Variants in OTOGL observed in about 807,000 individuals in gnomAD.
OTOGL encodes the protein otogelin-like protein.
A neutral mutation model predicts 318.5 loss-of-function variants in OTOGL; 285 were observed. The observed-to-expected ratio is 0.89, with a 90% CI of 0.81 to 0.99. OTOGL has a LOEUF of 0.99. OTOGL is among the 50% of genes least tolerant of loss of function. The probability of loss-of-function intolerance (pLI) is 0.00; values close to 1 mark genes in which losing one functional copy is unlikely to be tolerated. For missense variants in OTOGL, 2,899 were observed against 2,845.6 expected (o/e 1.02, Z -0.43); for synonymous variants, 987 against 936.5 (o/e 1.05, Z -0.99).
intron 24 of OTOGL, among the ~76,000 whole-genome samples, chr12:80,277,878 A>T (rs1232031556): frequency 6.6e-6 from 1 of 151,464 alleles, no homozygotes; most frequent in Non-Finnish European, 1.5e-5. Context: ...GGGATGACTC[A>T]CTTTATTAGA....
chr12:80,249,196 C>A (rs969515745), intron 11 of OTOGL, among the ~76,000 whole-genome samples: 2 of 148,176 alleles, frequency 1.3e-5, no homozygotes, highest in African/African-American at 5.2e-5. Flanking sequence ...AGCTTTGTTC[C>A]GTTGCTGGTG....
At chr12:80,288,687 G>A (rs1017431800) in intron 26 of OTOGL, among the ~76,000 whole-genome samples, 1 of 151,522 alleles carries the variant, frequency 6.6e-6, no homozygotes, top group African/African-American at 2.4e-5. Flanking sequence ...GATTCATTTG[G>A]CTATTGATCC....
chr12:80,278,995 T>C lies in OTOGL; in HGVS notation c.2790-33T>C, dbSNP rs1162842860. ...TGAAATCACTAGTTAGAGTCGTTTC[T>C]TTAGAAAGGTAACTTTTGTTATTTT... On this transcript the variant is annotated intron_variant, in intron 25 of 58. Transcript: ENST00000547103. 2.0e-6 allele frequency: 3 copies of C among 1,510,234 alleles called. No individual in the cohort carries two copies. In the South Asian group the frequency reaches 3.4e-5, roughly 17 times the overall value. The allele number at this position is 1,510,234 out of a possible 1,614,324, so 93.6% of individuals were successfully genotyped here.
At chr12:80,108,705 T>A (rs963568074) in intron 1 of OTOGL, among the ~76,000 whole-genome samples, 1 of 148,762 alleles carries the variant, frequency 6.7e-6, no homozygotes, top group Admixed American at 6.8e-5. Flanking sequence ...AAAGACGTTC[T>A]CCCCCACCTC....
intron 1 of OTOGL, among the ~76,000 whole-genome samples, chr12:80,129,553 T>C (rs1289674871): frequency 6.6e-6 from 1 of 152,232 alleles, no homozygotes; most frequent in East Asian, 1.9e-4. Context: ...GTTTACTTTT[T>C]GTTTTGTAAT....
intron 26 of OTOGL, among the ~76,000 whole-genome samples, chr12:80,282,989 C>T (rs1383640387): frequency 6.6e-6 from 1 of 151,970 alleles, no homozygotes; most frequent in Non-Finnish European, 1.5e-5. Flanking sequence ...GAGCACCATG[C>T]TGGGAACATA....
intron 27 of OTOGL, among the ~76,000 whole-genome samples, chr12:80,301,796 G>A (rs529843724): frequency 1.6e-4 from 25 of 152,114 alleles, no homozygotes; most frequent in Non-Finnish European, 2.9e-4. Context: ...TCCAGTGGAA[G>A]CCTGAAACCA....
chr12:80,123,885 G>T (rs949992908), intron 1 of OTOGL, among the ~76,000 whole-genome samples: 3 of 152,064 alleles, frequency 2.0e-5, no homozygotes, highest in African/African-American at 7.2e-5. Context: ...TGATGGGGTT[G>T]TTTGTTTTTT....
chr12:80,252,183 G>A lies in OTOGL; in HGVS notation c.1267G>A (p.Gly423Arg), dbSNP rs1344704931. The A allele has an allele frequency of 6.3e-7, 1 of 1,598,212 alleles. No individual in the cohort carries two copies. Among genetic ancestry groups the A allele is most frequent in the Non-Finnish European group, 8.5e-7 (1 of 1,171,420 alleles). Residue 423 changes from glycine (G) to arginine (R), a missense_variant, in exon 13 of 59, where the codon GGA becomes AGA. Gly to Arg is a moderately radical substitution (Grantham distance 125). This residue lies in a region of OTOGL where 2,607 missense variants were observed against 2,524.9 expected (regional missense o/e 1.03). Transcript: ENST00000547103. ...TGGGAGCAATCTCCATTGTCTTGAT[G>A]GATGTTACTGCCCAGATGGTAAGTG... is the stretch of plus-strand genomic sequence containing the variant. ...CLGSNLHCLD[G>R]CYCPDGLVMD...
intron 1 of OTOGL, among the ~76,000 whole-genome samples, chr12:80,122,841 T>A (rs1004840600): frequency 2.0e-5 from 3 of 152,168 alleles, no homozygotes; most frequent in Admixed American, 2.0e-4. Flanking sequence ...CAGAAATCTA[T>A]GCAGTTGCTC....
intron 26 of OTOGL, among the ~76,000 whole-genome samples, chr12:80,287,876 T>G (rs191863259): frequency 3.5e-4 from 53 of 152,330 alleles, no homozygotes; most frequent in Admixed American, 2.2e-3. Context: ...GTATCTTAAT[T>G]GGGGCATTTA....
At chr12:80,208,553 G>C (rs184552637) in intron 1 of OTOGL, among the ~76,000 whole-genome samples, 1 of 152,140 alleles carries the variant, frequency 6.6e-6, no homozygotes, top group Admixed American at 6.6e-5. Context: ...AAGGTGTGGG[G>C]CTCAGATCTA....
chr12:80,359,026 A>G (rs1385888629), intron 52 of OTOGL, 126 bp downstream of exon 52: 2 of 775,722 alleles, frequency 2.6e-6, no homozygotes, highest in East Asian at 5.6e-5. Flanking sequence ...GTACTAAAGT[A>G]GATTAAAATA....
chr12:80,230,086 C>A (rs1330214472), intron 8 of OTOGL, among the ~76,000 whole-genome samples: 1 of 151,860 alleles, frequency 6.6e-6, no homozygotes, highest in Non-Finnish European at 1.5e-5. Context: ...TTATTATTTC[C>A]TGGCTGGATT....
chr12:80,312,986 A>C (rs778037281), intron 30 of OTOGL, among the ~76,000 whole-genome samples: 2 of 152,140 alleles, frequency 1.3e-5, no homozygotes, highest in Non-Finnish European at 2.9e-5. Flanking sequence ...AAATTTTGTC[A>C]GCTACTTAAA....
intron 1 of OTOGL, among the ~76,000 whole-genome samples, chr12:80,101,154 G>A (rs1000657477): frequency 7.2e-5 from 11 of 152,160 alleles, no homozygotes; most frequent in Admixed American, 4.6e-4. Flanking sequence ...CACTTAAGAT[G>A]TTCCTGCAGA....
chr12:80,259,592 C>T (rs1255792290), intron 18 of OTOGL, among the ~76,000 whole-genome samples: 2 of 151,932 alleles, frequency 1.3e-5, no homozygotes, highest in Non-Finnish European at 1.5e-5. Context: ...TCCATGTGTA[C>T]TCATTGCTCA....
At chr12:80,310,165 T>C (rs1886535038) in intron 29 of OTOGL, among the ~76,000 whole-genome samples, 1 of 152,114 alleles carries the variant, frequency 6.6e-6, no homozygotes, top group East Asian at 1.9e-4. Context: ...ATGGATGACA[T>C]TTTTCAGGGC....
intron 44 of OTOGL, among the ~76,000 whole-genome samples, chr12:80,348,502 C>T (rs1370164680): frequency 6.6e-6 from 1 of 152,118 alleles, no homozygotes; most frequent in Non-Finnish European, 1.5e-5. Flanking sequence ...GTACCAGTAC[C>T]ATGCTGTTTT....
Sources: gnomAD v4.1 joint callset for allele counts (sites outside exome capture counted in the v4.1 genomes callset) on GRCh38, gnomAD v4.1.1 for gene constraint, gnomAD v4.1.1 regional missense constraint, MANE v1.5 for transcripts, NCBI Gene and HGNC (gene_info 2026-07-23, HGNC 2026-07-21) for gene names.